The following SLC15A5 variants were observed in gnomAD, a reference collection of about 807,000 sequenced individuals.
The protein encoded by SLC15A5 is solute carrier family 15 member 5, also known as Peptide/histidine transporter ENSP00000340402.
SLC15A5 carries 58 observed loss-of-function variants against 56.1 expected under a neutral mutation model. The observed-to-expected ratio is 1.03, with a 90% CI of 0.84 to 1.29. The LOEUF is 1.29. SLC15A5 is among the 50% of genes most tolerant of loss of function. SLC15A5 has a pLI of 0.00. For synonymous variants in SLC15A5, 264 were observed against 250.5 expected (o/e 1.05, Z -0.51); for missense variants, 681 against 672.1 (o/e 1.01, Z -0.15).
intron 7 of SLC15A5, among the ~76,000 whole-genome samples, chr12:16,214,723 C>T (rs1382615827): frequency 1.3e-5 from 2 of 152,160 alleles, no homozygotes; most frequent in Admixed American, 6.5e-5. Flanking sequence ...CCATGTGCCT[C>T]TTCTGATTTG....
chr12:16,190,006 A>G (rs1863825716), intron 8 of SLC15A5, among the ~76,000 whole-genome samples, 191 bp from the exon 9 acceptor site: 1 of 152,166 alleles, frequency 6.6e-6, no homozygotes, highest in African/African-American at 2.4e-5. Flanking sequence ...TTTGTGACTT[A>G]GTAAAGTGTC....
intron 1 of SLC15A5, 38 bp from the exon 2 acceptor site, chr12:16,272,821 G>C (rs1166798710): frequency 6.7e-7 from 1 of 1,483,266 alleles, no homozygotes; most frequent in Non-Finnish European, 9.1e-7. Flanking sequence ...ATGTAGCATA[G>C]AACAAGTGGA....
Position 16,271,225 on chromosome 12 carries a change from C to A in SLC15A5, c.584+1336G>T, listed in dbSNP as rs193067974. ...TATAATGTCTCCTTTGTAATCAACA[C>A]TGAGAAATGTCACTTTGATTAAACA... is the stretch of plus-strand genomic sequence containing the variant. On this transcript the variant is annotated intron_variant, in intron 2 of 8. Coordinates refer to ENST00000344941, the MANE Select transcript of SLC15A5 (RefSeq NM_001170798.1). This position sits in a 1 kb window ranked among gnomAD's most constrained non-coding sequence, Gnocchi z 8.0. 1.2e-4 allele frequency among the ~76,000 whole-genome samples: 18 copies of A among 152,154 alleles called. No individual in the cohort carries two copies. Among genetic ancestry groups the A allele is most frequent in the Non-Finnish European group, 2.2e-4 (15 of 68,004 alleles).
At chr12:16,225,714 G>T (rs1041950695) in intron 5 of SLC15A5, among the ~76,000 whole-genome samples, 2 of 152,160 alleles carry the variant, frequency 1.3e-5, no homozygotes, top group Admixed American at 6.5e-5. Context: ...TCATCATCAC[G>T]GGCCATCAGA....
At chr12:16,241,734 G>A (rs1310318643) in intron 4 of SLC15A5, among the ~76,000 whole-genome samples, 1 of 152,152 alleles carries the variant, frequency 6.6e-6, no homozygotes, top group African/African-American at 2.4e-5. Flanking sequence ...AAGGCTCCCA[G>A]CACAACTTGG....
chr12:16,224,246 G>T (rs916634075), intron 6 of SLC15A5, among the ~76,000 whole-genome samples, 168 bp downstream of exon 6: 2 of 152,206 alleles, frequency 1.3e-5, no homozygotes, highest in African/African-American at 4.8e-5. Context: ...GGAATGAGGA[G>T]AAATGAAATG....
At chr12:16,193,269 A>G (rs772672216) in intron 8 of SLC15A5, among the ~76,000 whole-genome samples, 2 of 152,130 alleles carry the variant, frequency 1.3e-5, no homozygotes, top group Non-Finnish European at 2.9e-5. Context: ...GATCAGTTTG[A>G]TAATTTATAC....
At chr12:16,218,451 C>A (rs1565661231) in intron 6 of SLC15A5, among the ~76,000 whole-genome samples, 3 of 152,096 alleles carry the variant, frequency 2.0e-5, no homozygotes, top group African/African-American at 4.8e-5. Flanking sequence ...AGAAATGTGT[C>A]ATTAGGTGAT....
chr12:16,189,732 A>T lies in SLC15A5; in HGVS notation c.1676T>A (p.Leu559Gln). ...TTCCTGTATACTGCCATAAAATTTC[A>T]GAGATTTTTCGTGGAGGAGAAGTGT... ...EETLLLHEKS[L>Q]KFYGSIQEFS... The change falls in exon 9 of 9, where the codon CTG becomes CAG. Residue 559 changes from leucine to glutamine, a missense_variant. Coordinates refer to ENST00000344941, the MANE Select transcript of SLC15A5 (RefSeq NM_001170798.1). 6.5e-7 allele frequency: 1 copy of T among 1,530,756 alleles called. No individual in the cohort carries two copies. The highest frequency in any genetic ancestry group is 8.7e-7 in the Non-Finnish European group (1 of 1,143,534). The allele number at this position is 1,530,756 out of a possible 1,614,324, so 94.8% of individuals were successfully genotyped here.
intron 2 of SLC15A5, among the ~76,000 whole-genome samples, chr12:16,263,839 G>A (rs764328896): frequency 6.6e-6 from 1 of 152,206 alleles, no homozygotes; most frequent in African/African-American, 2.4e-5. Context: ...GCCTGTGGGT[G>A]CACAGAGGTC....
rs1007496534 is a variant in SLC15A5, at chr12:16,189,296, A to G, written c.*372T>C. ...AAGTGTATTGAAAGAGAGTATATTA[A>G]AATACTGTCATTTTGCTTCTAATGA... On this transcript the variant is annotated 3_prime_UTR_variant, in exon 9 of 9. Coordinates refer to ENST00000344941, the MANE Select transcript of SLC15A5 (RefSeq NM_001170798.1). 1.9e-5 allele frequency: 3 copies of G among 155,934 alleles called. No homozygotes were observed. The highest frequency in any genetic ancestry group is 6.5e-5 in the Admixed American group (1 of 15,488). 9.7% of individuals were successfully genotyped at this position (155,934 alleles called of 1,614,324 possible).
chr12:16,223,963 G>T (rs916686443), intron 6 of SLC15A5, among the ~76,000 whole-genome samples: 1 of 152,106 alleles, frequency 6.6e-6, no homozygotes, highest in African/African-American at 2.4e-5. Flanking sequence ...TGATCCACCT[G>T]CCTTGGCCTC....
chr12:16,244,844 C>G lies in SLC15A5; in HGVS notation c.755-44G>C, dbSNP rs202067980. 19 of 1,506,120 alleles carry G rather than the reference C, an allele frequency of 1.3e-5. No homozygotes were observed. In the East Asian group the frequency reaches 4.7e-4, roughly 37 times the overall value. 93.3% of individuals were successfully genotyped at this position (1,506,120 alleles called of 1,614,324 possible). ...ATTATGTATTAGTATAGGAATTGTTCTCCAGTTTTTCAAGATGCTGATCAG... is the reference window on the plus strand; with the variant it reads ...ATTATGTATTAGTATAGGAATTGTTGTCCAGTTTTTCAAGATGCTGATCAG... On this transcript the variant is annotated intron_variant, in intron 3 of 8. Transcript: ENST00000344941.
intron 7 of SLC15A5, among the ~76,000 whole-genome samples, chr12:16,203,812 A>G (rs1460022668): frequency 6.6e-6 from 1 of 152,190 alleles, no homozygotes; most frequent in Non-Finnish European, 1.5e-5. Context: ...TAAAAGGGTC[A>G]ACTGAAATAC....
Position 16,269,862 on chromosome 12 carries a change from A to T in SLC15A5, c.584+2699T>A, listed in dbSNP as rs984408189. Among the ~76,000 whole-genome samples, 4 of 152,218 alleles carry T rather than the reference A, an allele frequency of 2.6e-5. No homozygotes were observed. The highest frequency in any genetic ancestry group is 2.0e-4 in the Admixed American group (3 of 15,268). On this transcript the variant is annotated intron_variant, in intron 2 of 8. Coordinates refer to ENST00000344941, the MANE Select transcript of SLC15A5 (RefSeq NM_001170798.1). This position sits in a 1 kb window ranked among gnomAD's most constrained non-coding sequence, Gnocchi z 4.7. Reference sequence around the variant, plus strand: ...TTTGAGGTTAATTGTGGTAGAATTTAAAATTGTGGCCAGGAACAGACTTCA... The same window carrying T: ...TTTGAGGTTAATTGTGGTAGAATTTTAAATTGTGGCCAGGAACAGACTTCA...
chr12:16,210,126 G>T (rs1864064359), intron 7 of SLC15A5, among the ~76,000 whole-genome samples: 1 of 152,038 alleles, frequency 6.6e-6, no homozygotes, highest in African/African-American at 2.4e-5. Flanking sequence ...TTATTTGTGG[G>T]CCTTGATATA....
At chr12:16,242,607 C>T (rs1864423720) in intron 4 of SLC15A5, among the ~76,000 whole-genome samples, 1 of 152,122 alleles carries the variant, frequency 6.6e-6, no homozygotes, top group African/African-American at 2.4e-5. Flanking sequence ...TGATCAGTAA[C>T]TATTAGTTTC....
At chr12:16,273,776 A>G (rs1180843668) in intron 1 of SLC15A5, among the ~76,000 whole-genome samples, 1 of 149,966 alleles carries the variant, frequency 6.7e-6, no homozygotes, top group African/African-American at 2.4e-5. Context: ...CCCCCATCAG[A>G]TTACAAAAGT....
chr12:16,218,163 T>C (rs958596583), intron 6 of SLC15A5, among the ~76,000 whole-genome samples: 7 of 152,262 alleles, frequency 4.6e-5, no homozygotes, highest in Admixed American at 4.6e-4. Context: ...TTGAAAATTA[T>C]TGATGCTAGA....
Sources: allele counts gnomAD v4.1 joint callset (sites outside exome capture counted in the v4.1 genomes callset), GRCh38; gene constraint gnomAD v4.1.1; non-coding constraint Gnocchi (gnomAD v3.1); transcripts MANE v1.5; gene names NCBI Gene and HGNC (gene_info 2026-07-23, HGNC 2026-07-21).